UNC5D: variants seen among roughly 807,000 people sequenced by gnomAD.
UNC5D encodes the protein unc-5 netrin receptor D.
UNC5D carries 39 observed loss-of-function variants against 105.4 expected under a neutral mutation model. That is an observed-to-expected ratio of 0.37 (90% confidence interval 0.29 to 0.48). The LOEUF (loss-of-function observed/expected upper bound fraction) is 0.48. Ranked by LOEUF, UNC5D falls within the 20% of genes least tolerant of loss-of-function variation. The probability of loss-of-function intolerance (pLI) is 0.98; values close to 1 mark genes in which losing one functional copy is unlikely to be tolerated. For synonymous variants in UNC5D, 452 were observed against 450.4 expected (o/e 1.00, Z -0.04); for missense variants, 991 against 1,202.4 (o/e 0.82, Z 2.60).
At chr8:35,447,273 TATTGA>T (rs1445524500) in intron 1 of UNC5D, among the ~76,000 whole-genome samples, 1 of 152,088 alleles carries the variant, frequency 6.6e-6, no homozygotes, top group Non-Finnish European at 1.5e-5. Context: ...CTAAAATTCT[TATTGA>T]ATTGATGTAA....
At chr8:35,404,234 G>A (rs2128952311) in intron 1 of UNC5D, among the ~76,000 whole-genome samples, 1 of 152,264 alleles carries the variant, frequency 6.6e-6, no homozygotes, top group South Asian at 2.1e-4. Flanking sequence ...GCCCAGCATG[G>A]TTAGAAATTT....
chr8:35,259,899 G>C (rs758602875), intron 1 of UNC5D, among the ~76,000 whole-genome samples: 12 of 152,064 alleles, frequency 7.9e-5, no homozygotes, highest in African/African-American at 1.4e-4. Flanking sequence ...CTGTTCCGCT[G>C]TAGCTGGAAT....
At chr8:35,305,577 T>TTTTCTTTCTTTC (rs1179890296) in intron 1 of UNC5D, among the ~76,000 whole-genome samples, 5,738 of 53,366 alleles carry the variant, frequency 0.11, 140 homozygotes, top group African/African-American at 0.14. Context: ...CTTTCTTTCT[T>TTTTCTTTCTTTC]TTTCTTTCTT....
chr8:35,251,605 A>G (rs973210557), intron 1 of UNC5D, among the ~76,000 whole-genome samples: 16 of 152,210 alleles, frequency 1.1e-4, no homozygotes, highest in Non-Finnish European at 2.4e-4. Context: ...TAATGTGATT[A>G]TATGGAAAGA....
chr8:35,795,120 T>C lies in UNC5D; in HGVS notation c.*4557T>C, dbSNP rs1160505367. On this transcript the variant is annotated 3_prime_UTR_variant, in exon 17 of 17. Coordinates refer to ENST00000404895, the MANE Select transcript of UNC5D (RefSeq NM_080872.4). Reference sequence around the variant, plus strand: ...AAGATAAAAAAGGCATCAAGCTTCATGGTTATGCCTAAGCTTAAAAATTCC... The same window carrying C: ...AAGATAAAAAAGGCATCAAGCTTCACGGTTATGCCTAAGCTTAAAAATTCC... 2 of 152,164 alleles carry C rather than the reference T, an allele frequency of 1.3e-5. No homozygotes were observed. Among genetic ancestry groups the C allele is most frequent in the South Asian group, 2.1e-4 (1 of 4,826 alleles). 9.4% of individuals were successfully genotyped at this position (152,164 alleles called of 1,614,324 possible).
At chr8:35,663,212 C>T (rs1824217711) in intron 4 of UNC5D, among the ~76,000 whole-genome samples, 1 of 152,218 alleles carries the variant, frequency 6.6e-6, no homozygotes, top group Admixed American at 6.5e-5. Context: ...TACTGATGCA[C>T]ACCAGATCTA....
intron 8 of UNC5D, among the ~76,000 whole-genome samples, chr8:35,709,826 G>A (rs2131473805): frequency 6.6e-6 from 1 of 152,344 alleles, no homozygotes; most frequent in East Asian, 1.9e-4. Flanking sequence ...AATGCTATGA[G>A]GTGGGAGTTT....
intron 3 of UNC5D, among the ~76,000 whole-genome samples, chr8:35,582,548 A>G (rs1423057342): frequency 1.3e-5 from 2 of 152,094 alleles, no homozygotes; most frequent in African/African-American, 4.8e-5. Context: ...GAGGTGTTAG[A>G]TATTTAGTGG....
At chr8:35,475,370 A>G (rs1370068883) in intron 1 of UNC5D, among the ~76,000 whole-genome samples, 1 of 152,158 alleles carries the variant, frequency 6.6e-6, no homozygotes, top group Non-Finnish European at 1.5e-5. Flanking sequence ...GGACCTAAAA[A>G]CAGCCACCAC....
At chr8:35,369,186 C>G (rs1476786413) in intron 1 of UNC5D, among the ~76,000 whole-genome samples, 2 of 152,146 alleles carry the variant, frequency 1.3e-5, no homozygotes, top group East Asian at 3.9e-4. Context: ...AATTAAATCA[C>G]CTATCTCTCA....
chr8:35,624,020 C>T (rs1821534374), intron 4 of UNC5D, among the ~76,000 whole-genome samples: 1 of 152,246 alleles, frequency 6.6e-6, no homozygotes, highest in African/African-American at 2.4e-5. Flanking sequence ...GCGGAGCTTG[C>T]GGTGAGCCGA....
intron 14 of UNC5D, among the ~76,000 whole-genome samples, chr8:35,761,431 G>A (rs1220942196): frequency 6.6e-6 from 1 of 152,170 alleles, no homozygotes; most frequent in African/African-American, 2.4e-5. Flanking sequence ...AAGAGGCTTA[G>A]GGGGCTAAGT....
chr8:35,773,380 G>T (rs1802095123), intron 15 of UNC5D, among the ~76,000 whole-genome samples: 1 of 152,084 alleles, frequency 6.6e-6, no homozygotes, highest in Non-Finnish European at 1.5e-5. Flanking sequence ...CTCAAGGCTG[G>T]CTCTGTTATA....
At chr8:35,700,010 G>A (rs1004241501) in intron 7 of UNC5D, among the ~76,000 whole-genome samples, 1 of 152,276 alleles carries the variant, frequency 6.6e-6, no homozygotes, top group African/African-American at 2.4e-5. Context: ...ACACTCGGAG[G>A]AGAACAGAAT....
chr8:35,561,431 G>C (rs188019283), intron 2 of UNC5D, among the ~76,000 whole-genome samples: 1 of 152,242 alleles, frequency 6.6e-6, no homozygotes, highest in East Asian at 1.9e-4. Flanking sequence ...GTGGCTTGCT[G>C]TGACTCCTGT....
intron 3 of UNC5D, 25 bp from the exon 4 acceptor site, chr8:35,595,529 T>C (rs1819436769): frequency 6.2e-7 from 1 of 1,607,704 alleles, no homozygotes; most frequent in Admixed American, 1.7e-5. Context: ...AAACAAAGTG[T>C]CACCTATCTC....
chr8:35,544,492 G>GACTTCC (rs1207956121), intron 1 of UNC5D: 2 of 1,613,790 alleles, frequency 1.2e-6, no homozygotes, highest in South Asian at 2.2e-5. Flanking sequence ...TCTGTGCTGG[G>GACTTCC]ACTTCCGGGT....
intron 4 of UNC5D, among the ~76,000 whole-genome samples, chr8:35,603,706 G>T (rs959733627): frequency 6.6e-6 from 1 of 152,196 alleles, no homozygotes; most frequent in Admixed American, 6.5e-5. Flanking sequence ...CTAAGGACTT[G>T]CTTTATGAAT....
At chr8:35,767,229 C>G (rs773088283) in intron 15 of UNC5D, among the ~76,000 whole-genome samples, 163 bp downstream of exon 15, 1 of 152,150 alleles carries the variant, frequency 6.6e-6, no homozygotes, top group Non-Finnish European at 1.5e-5. Flanking sequence ...TGTCGCATGC[C>G]GAGGATTGAA....
Sources: allele counts gnomAD v4.1 joint callset (sites outside exome capture counted in the v4.1 genomes callset), GRCh38; gene constraint gnomAD v4.1.1; transcripts MANE v1.5; gene names NCBI Gene and HGNC (gene_info 2026-07-23, HGNC 2026-07-21).